The following IQGAP2 variants were observed in gnomAD, a reference collection of about 807,000 sequenced individuals.
IQGAP2 encodes the protein IQ motif containing GTPase activating protein 2, also known as ras GTPase-activating-like protein IQGAP2.
In IQGAP2, 173 loss-of-function variants were observed where a neutral mutation model predicts 201.3. The ratio of observed to expected loss-of-function variants is 0.86; its 90% confidence interval spans 0.76 to 0.98. The LOEUF (loss-of-function observed/expected upper bound fraction) is 0.98. Among genes scored for constraint, IQGAP2 ranks in the 50% least tolerant of loss-of-function variants. IQGAP2 has a pLI of 0.00. For synonymous variants in IQGAP2, 675 were observed against 673.9 expected (o/e 1.00, Z -0.03); for missense variants, 1,687 against 1,864.8 (o/e 0.90, Z 1.76).
At chr5:76,444,667 A>G (rs559269201) in intron 1 of IQGAP2, among the ~76,000 whole-genome samples, 89 of 152,326 alleles carry the variant, frequency 5.8e-4, no homozygotes, top group African/African-American at 2.0e-3. Flanking sequence ...AATTTTTGAA[A>G]GTATTTCCCT....
intron 4 of IQGAP2, among the ~76,000 whole-genome samples, chr5:76,573,756 T>C (rs1031946247): frequency 2.6e-5 from 4 of 151,378 alleles, no homozygotes; most frequent in Non-Finnish European, 4.4e-5. Flanking sequence ...GGACTATAGG[T>C]GTGCTCCACC....
At chr5:76,547,049 C>G (rs1385437913) in intron 2 of IQGAP2, among the ~76,000 whole-genome samples, 1 of 152,096 alleles carries the variant, frequency 6.6e-6, no homozygotes, top group Non-Finnish European at 1.5e-5. Context: ...AAGGACATAG[C>G]TAGAGGAAGA....
In IQGAP2 at chr5:76,683,217, G is replaced by C. The variant is rs771884178; in HGVS notation, c.3763G>C (p.Gly1255Arg). 1.2e-6 allele frequency: 2 copies of C among 1,605,264 alleles called. No individual in the cohort carries two copies. The highest frequency in any genetic ancestry group is 1.7e-6 in the Non-Finnish European group (2 of 1,174,500). The change falls in exon 29 of 36, where the codon GGG becomes CGG. Residue 1255 changes from glycine (G) to arginine (R), a missense_variant and splice_region_variant. Transcript: ENST00000274364. Reference sequence around the variant, plus strand: ...GGTGCCAACCGTGGAATCTTTTCTTGGTAAGAGCTTGTTCCTTCTACTTAT... The same window carrying C: ...GGTGCCAACCGTGGAATCTTTTCTTCGTAAGAGCTTGTTCCTTCTACTTAT... ...GEVPTVESFL[G>R]EGAVDPNDPN...
chr5:76,527,930 C>A (rs1759062206), intron 2 of IQGAP2, among the ~76,000 whole-genome samples: 1 of 152,176 alleles, frequency 6.6e-6, no homozygotes, highest in Non-Finnish European at 1.5e-5. Context: ...TCTAATCAGT[C>A]CAATCAGAAG....
intron 17 of IQGAP2, among the ~76,000 whole-genome samples, chr5:76,642,385 C>T (rs1395154112): frequency 6.6e-6 from 1 of 152,074 alleles, no homozygotes; most frequent in African/African-American, 2.4e-5. Flanking sequence ...CATTTGGAGC[C>T]TTTTTCCTCC....
At chr5:76,524,908 G>A (rs575141434) in intron 2 of IQGAP2, among the ~76,000 whole-genome samples, 1 of 152,288 alleles carries the variant, frequency 6.6e-6, no homozygotes, top group East Asian at 1.9e-4. Context: ...ATGACATCCT[G>A]CAATTGCACT....
At chr5:76,609,460 A>G (rs1748082407) in intron 12 of IQGAP2, among the ~76,000 whole-genome samples, 1 of 152,234 alleles carries the variant, frequency 6.6e-6, no homozygotes, top group African/African-American at 2.4e-5. Context: ...AATGATTTCT[A>G]GGAGTTTTAG....
intron 2 of IQGAP2, among the ~76,000 whole-genome samples, chr5:76,529,675 A>AATG (rs1439439322): frequency 2.9e-5 from 4 of 136,122 alleles, no homozygotes; most frequent in Non-Finnish European, 6.4e-5. Context: ...TAATAATAAT[A>AATG]ATGGTTATTT....
chr5:76,447,121 C>T (rs1240315264), intron 1 of IQGAP2, among the ~76,000 whole-genome samples: 2 of 152,124 alleles, frequency 1.3e-5, no homozygotes, highest in East Asian at 3.9e-4. Flanking sequence ...ACCTCCCCAA[C>T]AGCACTTGGG....
At chr5:76,456,327 A>C (rs1754082389) in intron 1 of IQGAP2, among the ~76,000 whole-genome samples, 1 of 152,180 alleles carries the variant, frequency 6.6e-6, no homozygotes, top group African/African-American at 2.4e-5. Context: ...ACTTCGGCCT[A>C]GGGTTTGCCT....
At chr5:76,682,223 T>G (rs995704749) in intron 28 of IQGAP2, among the ~76,000 whole-genome samples, 6 of 152,160 alleles carry the variant, frequency 3.9e-5, no homozygotes, top group African/African-American at 1.4e-4. Flanking sequence ...GAATTCTATT[T>G]TGGTAAAGCT....
chr5:76,627,217 TG>T (rs1407266076), intron 13 of IQGAP2, among the ~76,000 whole-genome samples, 192 bp from the exon 14 acceptor site: 1 of 151,976 alleles, frequency 6.6e-6, no homozygotes, highest in Non-Finnish European at 1.5e-5. Context: ...TAAAGAGTGG[TG>T]GGGAAGAAGG....
chr5:76,659,350 T>C (rs1580746659), intron 21 of IQGAP2, among the ~76,000 whole-genome samples: 2 of 152,206 alleles, frequency 1.3e-5, no homozygotes, highest in Admixed American at 6.5e-5. Flanking sequence ...AAAATGTATA[T>C]GCCTGATGAC....
At chr5:76,651,085 T>C (rs1752483353) in intron 17 of IQGAP2, among the ~76,000 whole-genome samples, 1 of 152,196 alleles carries the variant, frequency 6.6e-6, no homozygotes, top group Admixed American at 6.5e-5. Context: ...CCATCTATGC[T>C]TTCTTTGTCC....
At chr5:76,658,717 A>C (rs1323340212) in intron 21 of IQGAP2, 50 bp downstream of exon 21, 1 of 1,438,568 alleles carries the variant, frequency 7.0e-7, no homozygotes, top group African/African-American at 1.4e-5. Flanking sequence ...GAAGACGCCT[A>C]CATACAGTCA....
intron 35 of IQGAP2, 44 bp from the exon 36 acceptor site, chr5:76,707,155 CA>C: frequency 1.1e-6 from 1 of 909,410 alleles, no homozygotes; most frequent in Non-Finnish European, 1.8e-6. Flanking sequence ...TTTAAATGCA[CA>C]AAATGTCAAA....
At chr5:76,614,605 CTTTTTTTTTTTT>C (rs10603126) in intron 13 of IQGAP2, among the ~76,000 whole-genome samples, 1 of 59,572 alleles carries the variant, frequency 1.7e-5, no homozygotes, top group African/African-American at 7.2e-5. Context: ...TTCCCCTCTG[CTTTTTTTTTTTT>C]TTTTTTTTTT....
chr5:76,496,834 T>C (rs1466373736), intron 2 of IQGAP2, among the ~76,000 whole-genome samples: 1 of 151,166 alleles, frequency 6.6e-6, no homozygotes, highest in Non-Finnish European at 1.5e-5. Context: ...TTTCTTTTCT[T>C]TCATTTATTT....
chr5:76,627,472 C>G lies in IQGAP2; in HGVS notation c.1584C>G (p.Ala528=). The G allele has an allele frequency of 6.3e-7, 1 of 1,593,154 alleles. No homozygotes were observed. The highest frequency in any genetic ancestry group is 8.6e-7 in the Non-Finnish European group (1 of 1,160,948). ...AGATACAGCAAGCCGTCGATGATGC[C>G]AACGTGGACAAGGACAGAGCAAAAC... is the stretch of plus-strand genomic sequence containing the variant. ...LDEIQQAVDD[A]NVDKDRAKQW... is the part of the protein sequence containing the mutation. Residue 528 remains alanine, a synonymous_variant, in exon 14 of 36, where the codon GCC becomes GCG. Coordinates refer to ENST00000274364, the MANE Select transcript of IQGAP2 (RefSeq NM_006633.5).
Sources: gnomAD v4.1 joint callset for allele counts (sites outside exome capture counted in the v4.1 genomes callset) on GRCh38, gnomAD v4.1.1 for gene constraint, MANE v1.5 for transcripts, NCBI Gene and HGNC (gene_info 2026-07-23, HGNC 2026-07-21) for gene names.